Variants in GRB10 observed in about 807,000 individuals in gnomAD.
The protein encoded by GRB10 is growth factor receptor bound protein 10.
Under a neutral mutation model 80.9 loss-of-function variants are expected in GRB10, and 20 were observed. The observed-to-expected ratio is 0.25, with a 90% confidence interval of 0.17 to 0.36. The LOEUF (loss-of-function observed/expected upper bound fraction) is 0.36, where lower values mean the gene tolerates loss of function less well. Ranked by LOEUF, GRB10 falls within the 10% of genes least tolerant of loss-of-function variation. GRB10 has a pLI of 1.00. For synonymous variants in GRB10, 291 were observed against 291.5 expected (o/e 1.00, Z 0.02); for missense variants, 548 against 747.7 (o/e 0.73, Z 3.12).
chr7:50,623,676 A>AC, intron 8 of GRB10, among the ~76,000 whole-genome samples: 3 of 152,236 alleles, frequency 2.0e-5, no homozygotes, highest in Admixed American at 2.0e-4. Flanking sequence ...CTTGGGAACT[A>AC]CCCTCACTTT....
intron 5 of GRB10, among the ~76,000 whole-genome samples, chr7:50,684,742 C>A (rs1167371232): frequency 6.6e-6 from 1 of 152,156 alleles, no homozygotes; most frequent in Non-Finnish European, 1.5e-5. Flanking sequence ...GAGAAACATA[C>A]CCACAAAATA....
intron 5 of GRB10, among the ~76,000 whole-genome samples, chr7:50,695,069 T>G (rs191169851): frequency 2.0e-5 from 3 of 152,274 alleles, no homozygotes; most frequent in Admixed American, 2.0e-4. Context: ...CAGGGTATGA[T>G]CCACTGGATG....
intron 17 of GRB10, among the ~76,000 whole-genome samples, chr7:50,602,094 A>AGTGGAAGGTGGG (rs1186092092): frequency 1.3e-5 from 2 of 152,060 alleles, no homozygotes; most frequent in Non-Finnish European, 2.9e-5. Flanking sequence ...GTTTGCCTCT[A>AGTGGAAGGTGGG]GTGGAAGGTG....
At chr7:50,776,577 T>C (rs1471656765) in intron 2 of GRB10, among the ~76,000 whole-genome samples, 10 of 152,184 alleles carry the variant, frequency 6.6e-5, no homozygotes, top group Admixed American at 6.5e-4. Context: ...CACATTTTAC[T>C]GTAAGCAATT....
chr7:50,614,298 GCATGCCAGCACA>G (rs1222363276), intron 12 of GRB10, among the ~76,000 whole-genome samples: 2 of 152,166 alleles, frequency 1.3e-5, no homozygotes, highest in Non-Finnish European at 2.9e-5. Flanking sequence ...ACGTGTGTGT[GCATGCCAGCACA>G]CACATGCATG....
At chr7:50,713,630 T>C (rs56173597) in intron 4 of GRB10, among the ~76,000 whole-genome samples, 24 of 86,006 alleles carry the variant, frequency 2.8e-4, no homozygotes, top group East Asian at 1.2e-3. Flanking sequence ...TCCTCCACCA[T>C]CACCTCCACC....
chr7:50,727,773 A>T (rs746197358), intron 4 of GRB10: 1 of 152,238 alleles, frequency 6.6e-6, no homozygotes, highest in East Asian at 1.9e-4. Flanking sequence ...TCTACACTCT[A>T]AAACAAAAAA....
At chr7:50,674,315 G>T in intron 6 of GRB10, 121 bp downstream of exon 6, 1 of 952,912 alleles carries the variant, frequency 1.0e-6, no homozygotes, top group Admixed American at 2.0e-5. Flanking sequence ...CAATGTATCT[G>T]CCTCTTGACT....
chr7:50,636,523 GTAATACA>G (rs2055059035), intron 7 of GRB10, among the ~76,000 whole-genome samples: 2 of 152,196 alleles, frequency 1.3e-5, no homozygotes, highest in Admixed American at 1.3e-4. Context: ...CATTAAAAAG[GTAATACA>G]TCATGATCAA....
At chr7:50,766,857 G>T (rs146178065) in intron 2 of GRB10, among the ~76,000 whole-genome samples, 10 of 152,268 alleles carry the variant, frequency 6.6e-5, no homozygotes, top group Admixed American at 6.5e-4. Context: ...TGTGTTCTAG[G>T]TTTTCAGGGT....
chr7:50,674,998 G>T (rs759320339), intron 5 of GRB10, among the ~76,000 whole-genome samples: 1 of 152,106 alleles, frequency 6.6e-6, no homozygotes, highest in Non-Finnish European at 1.5e-5. Flanking sequence ...AGCCACAGCT[G>T]CATAGCACGA....
chr7:50,614,924 A>G (rs2050278806), intron 11 of GRB10, 44 bp from the exon 12 acceptor site: 4 of 1,268,888 alleles, frequency 3.2e-6, no homozygotes, highest in Admixed American at 1.7e-5. Flanking sequence ...CACAGCAAAG[A>G]GCAAATGTGT....
chr7:50,710,929 C>T (rs1039834731), intron 4 of GRB10: 5 of 1,611,008 alleles, frequency 3.1e-6, no homozygotes, highest in African/African-American at 1.3e-5. Context: ...CTCTCCCTCT[C>T]TCTACAGTGG....
chr7:50,792,470 G>A (rs1201321914), intron 1 of GRB10: 4 of 398,438 alleles, frequency 1.0e-5, no homozygotes, highest in Non-Finnish European at 1.8e-5. Context: ...CATGCTCCAA[G>A]GCAGTCGTCA....
intron 4 of GRB10, 84 bp downstream of exon 4, chr7:50,732,188 G>A (rs971011316): frequency 3.1e-5 from 44 of 1,398,956 alleles, no homozygotes; most frequent in Non-Finnish European, 3.9e-5. Flanking sequence ...CTACAGAAAC[G>A]ATCCATGGCT....
intron 7 of GRB10, among the ~76,000 whole-genome samples, chr7:50,664,581 C>T (rs1314618272): frequency 2.0e-5 from 3 of 152,196 alleles, no homozygotes. Flanking sequence ...TCCCGACACC[C>T]GAGGCCAGCT....
chr7:50,682,495 A>G (rs1433266536), intron 5 of GRB10, among the ~76,000 whole-genome samples: 2 of 152,216 alleles, frequency 1.3e-5, no homozygotes, highest in African/African-American at 2.4e-5. Context: ...TTGAAAATCA[A>G]TGATCATGTC....
intron 4 of GRB10, among the ~76,000 whole-genome samples, chr7:50,706,011 C>T (rs1371813192): frequency 6.6e-6 from 1 of 152,238 alleles, no homozygotes; most frequent in Non-Finnish European, 1.5e-5. Context: ...CAACATTTCC[C>T]ACCCAGTCTG....
intron 5 of GRB10, among the ~76,000 whole-genome samples, chr7:50,679,756 A>T (rs969558439): frequency 3.5e-4 from 54 of 152,224 alleles, no homozygotes; most frequent in Non-Finnish European, 3.7e-4. Flanking sequence ...GGCACTTTAC[A>T]TGAAAAGTCT....
Sources: gnomAD v4.1 joint callset for allele counts (sites outside exome capture counted in the v4.1 genomes callset) on GRCh38, gnomAD v4.1.1 for gene constraint, MANE v1.5 for transcripts, NCBI Gene and HGNC (gene_info 2026-07-23, HGNC 2026-07-21) for gene names.